The following NAV2 variants were observed in gnomAD, a reference collection of about 807,000 sequenced individuals.
The protein encoded by NAV2 is neuron navigator 2.
In NAV2, 54 loss-of-function variants were observed where a neutral mutation model predicts 223.2. The ratio of observed to expected loss-of-function variants is 0.24; its 90% CI spans 0.19 to 0.30. NAV2 has a LOEUF of 0.30. Among genes scored for constraint, NAV2 ranks in the 10% least tolerant of loss-of-function variants. NAV2 has a pLI of 1.00. For synonymous variants in NAV2, 1,279 were observed against 1,239.3 expected, an observed-to-expected ratio of 1.03 and a Z score of -0.67; for missense variants, 2,806 against 3,147.5, an observed-to-expected ratio of 0.89 and a Z score of 2.60.
intron 1 of NAV2, among the ~76,000 whole-genome samples, chr11:19,802,299 G>A (rs1424865485): frequency 6.6e-6 from 1 of 152,070 alleles, no homozygotes; most frequent in Non-Finnish European, 1.5e-5. Flanking sequence ...AGGAGGGGTG[G>A]GATTGGGCTA....
intron 8 of NAV2, among the ~76,000 whole-genome samples, chr11:19,941,596 T>C (rs2707090): frequency 0.12 from 18,677 of 151,958 alleles, 1,450 homozygotes; most frequent in Non-Finnish European, 0.18. Context: ...GGGTGGGTTT[T>C]CCTATGGTGT....
At chr11:19,828,488 G>A (rs1028185518) in intron 1 of NAV2, among the ~76,000 whole-genome samples, 1 of 152,080 alleles carries the variant, frequency 6.6e-6, no homozygotes, top group East Asian at 1.9e-4. Flanking sequence ...ACGTTTTCAA[G>A]GTTCATTCAT....
rs1848545769 is a variant in NAV2 at position 19,373,681 on chromosome 11, G to A, written c.75+22654G>A. 2.0e-5 allele frequency among the ~76,000 whole-genome samples: 3 copies of A among 152,142 alleles called. No individual in the cohort carries two copies. The South Asian group carries it at 6.2e-4, about 31-fold the overall frequency. On this transcript the variant is annotated intron_variant, in intron 1 of 37. Coordinates refer to the NAV2 transcript ENST00000360655. The stretch of plus-strand genomic sequence containing the variant: ...TGTCCTACCTAAAATGATATTGCAT[G>A]CTTATTATATACCTGTTCATTGACT...
intron 3 of NAV2, among the ~76,000 whole-genome samples, chr11:19,860,125 A>C (rs1300731595): frequency 7.6e-6 from 1 of 130,816 alleles, no homozygotes; most frequent in Non-Finnish European, 1.6e-5. Context: ...GGCCGGGCAG[A>C]GGCGCCCCTC....
chr11:19,940,214 TG>T lies in NAV2; in HGVS notation c.2146+448del, dbSNP rs989152210. Among the ~76,000 whole-genome samples, 361 of 151,994 alleles carry T rather than the reference TG, an allele frequency of 2.4e-3. 4 individuals carry two copies. Among genetic ancestry groups the T allele is most frequent in the Non-Finnish European group, 3.4e-4 (23 of 67,964 alleles). On this transcript the variant is annotated intron_variant, in intron 8 of 37. Coordinates refer to ENST00000349880, the MANE Select transcript of NAV2 (RefSeq NM_145117.5). ...TATGTTCTTAGAGTCCTATGTGAAT[TG>T]GGGGGGAAAATTGTAACATGCTTCT...
At position 19,400,137 on chromosome 11, in the gene NAV2, G is replaced by C. The variant is rs1330477685; in HGVS notation, c.75+49110G>C. Among the ~76,000 whole-genome samples, 3 of 152,130 alleles carry C rather than the reference G, an allele frequency of 2.0e-5. No individual in the cohort carries two copies. The East Asian group carries it at 5.8e-4, about 29-fold the overall frequency. On this transcript the variant is annotated intron_variant, in intron 1 of 37. Transcript: ENST00000360655. Reference sequence around the variant, plus strand: ...AATGTGTAGGAAAGTGTGAATAAGGGGTAGGCAGGAAAAAGACTGAATGCT... The same window carrying C: ...AATGTGTAGGAAAGTGTGAATAAGGCGTAGGCAGGAAAAAGACTGAATGCT...
At position 19,547,091 on chromosome 11, in the gene NAV2, C is replaced by T. The variant is rs545590072; in HGVS notation, c.75+196064C>T. The stretch of plus-strand genomic sequence containing the variant: ...ATATTGACATGGGGGTGGTCCCTGC[C>T]TACCCACATCCAACAGCAGCCTCTC... On this transcript the variant is annotated intron_variant, in intron 1 of 37. Coordinates refer to the NAV2 transcript ENST00000360655. 2.0e-5 allele frequency among the ~76,000 whole-genome samples: 3 copies of T among 152,326 alleles called. No homozygotes were observed. In the East Asian group the frequency reaches 5.8e-4, roughly 29 times the overall value.
intron 1 of NAV2, among the ~76,000 whole-genome samples, chr11:19,669,579 G>A (rs1381210992): frequency 6.6e-6 from 1 of 152,208 alleles, no homozygotes; most frequent in Non-Finnish European, 1.5e-5. Flanking sequence ...CCTACCAAAG[G>A]TTAGGCATTG....
intron 17 of NAV2, among the ~76,000 whole-genome samples, chr11:20,053,789 G>A (rs1189669079): frequency 1.3e-5 from 2 of 152,172 alleles, no homozygotes; most frequent in Non-Finnish European, 2.9e-5. Flanking sequence ...CTGTCATGAA[G>A]CAACATGTTA....
intron 36 of NAV2, among the ~76,000 whole-genome samples, chr11:20,111,303 C>T (rs1188904256): frequency 6.6e-6 from 1 of 152,214 alleles, no homozygotes; most frequent in African/African-American, 2.4e-5. Flanking sequence ...ATGCCAGGTT[C>T]CTTCTCCTGC....
At chr11:20,103,794 A>G in intron 34 of NAV2, 70 bp downstream of exon 34, 1 of 1,347,340 alleles carries the variant, frequency 7.4e-7, no homozygotes, top group South Asian at 1.2e-5. Context: ...AGGGGCGGGT[A>G]GAGATGCCTG....
intron 1 of NAV2, among the ~76,000 whole-genome samples, chr11:19,750,111 G>A (rs1326022261): frequency 1.3e-5 from 2 of 152,104 alleles, no homozygotes; most frequent in East Asian, 1.9e-4. Flanking sequence ...GAACCTCTTC[G>A]CTCTCCCTTG....
At chr11:19,480,988 G>A (rs1169149938) in intron 1 of NAV2, among the ~76,000 whole-genome samples, 1 of 152,190 alleles carries the variant, frequency 6.6e-6, no homozygotes, top group Non-Finnish European at 1.5e-5. Context: ...GATGTTGTGG[G>A]GCTGAGCAGA....
intron 1 of NAV2, among the ~76,000 whole-genome samples, chr11:19,802,249 G>A (rs1307538919): frequency 6.6e-6 from 1 of 152,082 alleles, no homozygotes; most frequent in Admixed American, 6.5e-5. Context: ...GCAGTTTAGG[G>A]AAACTTGGCA....
intron 1 of NAV2, among the ~76,000 whole-genome samples, chr11:19,417,834 G>C (rs1373641653): frequency 1.3e-5 from 2 of 152,106 alleles, no homozygotes; most frequent in Non-Finnish European, 2.9e-5. Flanking sequence ...CATGGATGAA[G>C]CTGGAAACCA....
intron 1 of NAV2, among the ~76,000 whole-genome samples, chr11:19,730,481 C>T (rs542946662): frequency 2.0e-5 from 3 of 152,320 alleles, no homozygotes; most frequent in African/African-American, 4.8e-5. Flanking sequence ...TTGGGGCCCT[C>T]GGTCTGCTGA....
intron 1 of NAV2, among the ~76,000 whole-genome samples, chr11:19,776,608 GGT>G (rs748537606): frequency 9.4e-6 from 1 of 106,100 alleles, no homozygotes; most frequent in African/African-American, 3.3e-5. Context: ...GTGTGTGTGT[GGT>G]TAGAGTTGTG....
rs778486921 is a variant in NAV2 at position 19,948,750 on chromosome 11, T to C, written c.2315T>C (p.Leu772Pro). ...VTTEMSGRSILSLTGRPTPLS... is the reference protein window; with the variant it reads ...VTTEMSGRSIPSLTGRPTPLS... ...ACGGAGATGAGTGGCCGTAGCATAC[T>C]CAGCTTGACAGGGAGGCCCACACCT... The change falls in exon 10 of 38, where the codon CTC becomes CCC. Residue 772 changes from leucine (L) to proline (P), a missense_variant. Around this residue, in one of 4 missense-constraint regions of NAV2, gnomAD observed 1,167 missense variants for 1,180.5 expected, o/e 0.99. Coordinates refer to ENST00000349880, the MANE Select transcript of NAV2 (RefSeq NM_145117.5). The C allele has an allele frequency of 6.2e-7, 1 of 1,610,484 alleles. No homozygotes were observed. The highest frequency in any genetic ancestry group is 8.5e-7 in the Non-Finnish European group (1 of 1,177,396).
Position 19,515,488 on chromosome 11 carries a change from G to A in NAV2, c.75+164461G>A, listed in dbSNP as rs565528029. Among the ~76,000 whole-genome samples, 506 of 152,166 alleles carry A rather than the reference G, an allele frequency of 3.3e-3. 2 individuals carry two copies. The highest frequency in any genetic ancestry group is 0.012 in the African/African-American group (483 of 41,508). ...GAACACAATTTTTTAAGTGTAAAAA[G>A]AAATTTAAAATTCTACAATTTCAGA... On this transcript the variant is annotated intron_variant, in intron 1 of 37. Transcript: ENST00000360655.
Sources: allele counts gnomAD v4.1 joint callset (sites outside exome capture counted in the v4.1 genomes callset), GRCh38; gene constraint gnomAD v4.1.1; regional missense constraint gnomAD v4.1.1; transcripts MANE v1.5; gene names NCBI Gene and HGNC (gene_info 2026-07-23, HGNC 2026-07-21).